DKK4: variants seen among roughly 807,000 people sequenced by gnomAD.
DKK4 encodes the protein dickkopf Wnt signaling pathway inhibitor 4, also known as dickkopf-related protein 4.
A neutral mutation model predicts 14.5 loss-of-function variants in DKK4; 15 were observed. The observed-to-expected ratio is 1.03, with a 90% confidence interval of 0.69 to 1.59. DKK4 has a LOEUF of 1.59. Ranked by LOEUF, DKK4 falls within the 40% of genes most tolerant of loss-of-function variation. DKK4 has a pLI of 0.00. For synonymous variants in DKK4, 89 were observed against 105.2 expected, an observed-to-expected ratio of 0.85 and a Z score of 0.94; for missense variants, 272 against 280.3, an observed-to-expected ratio of 0.97 and a Z score of 0.21.
rs747852585 is a variant in DKK4, at chr8:42,377,007, G to A, written c.39C>T (p.Cys13=). Residue 13 remains cysteine (C), a synonymous_variant, in exon 1 of 4, where the codon TGC becomes TGT. Coordinates refer to ENST00000220812, the MANE Select transcript of DKK4 (RefSeq NM_014420.3). ...AAVLLGLSWL[C]SPLGALVLDF... The stretch of plus-strand genomic sequence containing the variant: ...CCAGGACCAGAGCTCCCAGGGGAGA[G>A]CAGAGCCAGCTCAGCCCCAGCAGGA... The A allele has an allele frequency of 6.2e-7, 1 of 1,613,542 alleles. No homozygotes were observed.
rs1449321197 is a variant in DKK4 at position 42,375,674 on chromosome 8, G to A, written c.262+6C>T. On this transcript the variant is annotated splice_donor_region_variant and intron_variant, in intron 2 of 3. Coordinates refer to ENST00000220812, the MANE Select transcript of DKK4 (RefSeq NM_014420.3). ...TAAAAACCACTGTTGGCGTTATGTCGCTCACCGTTCACACAGAGTGTCCCA... is the reference window on the plus strand; with the variant it reads ...TAAAAACCACTGTTGGCGTTATGTCACTCACCGTTCACACAGAGTGTCCCA... 5.0e-6 allele frequency: 8 copies of A among 1,612,874 alleles called. No homozygotes were observed. Among genetic ancestry groups the A allele is most frequent in the South Asian group, 4.4e-5 (4 of 91,018 alleles).
intron 2 of DKK4, 44 bp from the exon 3 acceptor site, chr8:42,374,957 G>C: frequency 1.9e-6 from 3 of 1,603,852 alleles, no homozygotes; most frequent in Non-Finnish European, 2.6e-6. Context: ...ACTTCAAGGG[G>C]GAGAACCACA....
Position 42,377,132 on chromosome 8 carries a change from A to G in DKK4, c.-87T>C. 9.5e-7 allele frequency: 1 copy of G among 1,052,048 alleles called. No homozygotes were observed. Among genetic ancestry groups the G allele is most frequent in the Non-Finnish European group, 1.4e-6 (1 of 711,942 alleles). The allele number at this position is 1,052,048 out of a possible 1,614,324, so 65.2% of individuals were successfully genotyped here. Reference sequence around the variant, plus strand: ...TCCACCCAGAGCAGAGCTTCCACTAAGCTGGCAGCTCAGCACGTCGTCTGT... The same window carrying G: ...TCCACCCAGAGCAGAGCTTCCACTAGGCTGGCAGCTCAGCACGTCGTCTGT... On this transcript the variant is annotated 5_prime_UTR_variant, in exon 1 of 4. Transcript: ENST00000220812.
chr8:42,389,689 A>C, the DKK4 span, among the ~76,000 whole-genome samples: 1 of 152,208 alleles, frequency 6.6e-6, no homozygotes, highest in African/African-American at 2.4e-5. Flanking sequence ...CTCAGTGGAA[A>C]ATTTCAAGAA....
the DKK4 span, among the ~76,000 whole-genome samples, chr8:42,388,427 A>C: frequency 6.6e-6 from 1 of 151,650 alleles, no homozygotes; most frequent in Admixed American, 6.6e-5. Flanking sequence ...ACGGGGTTTC[A>C]CCATGTTGGC....
chr8:42,385,572 T>A, the DKK4 span, among the ~76,000 whole-genome samples: 1 of 151,896 alleles, frequency 6.6e-6, no homozygotes, highest in Non-Finnish European at 1.5e-5. Context: ...GGCCCCCCCA[T>A]ACCGCCACTG....
At position 42,374,246 on chromosome 8, in the gene DKK4, A is replaced by G. The variant is rs375323773; in HGVS notation, c.529T>C (p.Ser177Pro). 2.1e-5 allele frequency: 34 copies of G among 1,612,002 alleles called. No homozygotes were observed. Among genetic ancestry groups the G allele is most frequent in the Middle Eastern group, 1.7e-4 (1 of 6,034 alleles). The stretch of plus-strand genomic sequence containing the variant: ...GCAGTGTCTTTATGCCCTCTTCTGG[A>G]GCAGACCTGTCCCTCCAAAAGGACT... ...KPVLLEGQVC[S>P]RRGHKDTAQA... is the part of the protein sequence containing the mutation. The change falls in exon 4 of 4, where the codon TCC (serine) becomes CCC (proline). Residue 177 changes from serine (S) to proline (P), a missense_variant. By Grantham distance (74) the Ser-to-Pro change is moderately conservative. Transcript: ENST00000220812.
the DKK4 span, among the ~76,000 whole-genome samples, chr8:42,388,336 TCTC>T: frequency 6.6e-6 from 1 of 152,132 alleles, no homozygotes; most frequent in Middle Eastern, 3.4e-3. Context: ...TTCAAGCAAT[TCTC>T]CTGCCTCAGT....
the DKK4 span, among the ~76,000 whole-genome samples, chr8:42,382,370 C>T: frequency 6.6e-6 from 1 of 152,134 alleles, no homozygotes; most frequent in Non-Finnish European, 1.5e-5. Context: ...GCCAGGAGCC[C>T]GCATCTCCAT....
chr8:42,381,240 T>C (rs973137609), upstream of DKK4, among the ~76,000 whole-genome samples: 2 of 151,796 alleles, frequency 1.3e-5, no homozygotes, highest in Non-Finnish European at 2.9e-5. Flanking sequence ...CCTTCTCTGA[T>C]TTGGTGCACT....
intron 1 of DKK4, among the ~76,000 whole-genome samples, chr8:42,376,246 T>C (rs1177144024): frequency 2.0e-5 from 3 of 152,186 alleles, no homozygotes; most frequent in Non-Finnish European, 2.9e-5. Flanking sequence ...GAATCACATT[T>C]AGCTTAGAGA....
At chr8:42,391,104 GA>G in the DKK4 span, among the ~76,000 whole-genome samples, 1 of 152,024 alleles carries the variant, frequency 6.6e-6, no homozygotes, top group Non-Finnish European at 1.5e-5. Context: ...CTGCCCCTTT[GA>G]ATTATCATCT....
chr8:42,390,962 A>G, the DKK4 span, among the ~76,000 whole-genome samples: 1 of 152,150 alleles, frequency 6.6e-6, no homozygotes, highest in Non-Finnish European at 1.5e-5. Flanking sequence ...TCAACGGTCC[A>G]CTGATCATTT....
chr8:42,390,285 TTTG>T, the DKK4 span, among the ~76,000 whole-genome samples: 26 of 150,068 alleles, frequency 1.7e-4, no homozygotes, highest in Non-Finnish European at 1.5e-5. Flanking sequence ...AGTAGCTGGT[TTTG>T]TTTGTTTGGT....
chr8:42,378,489 T>C (rs1333856970), upstream of DKK4, among the ~76,000 whole-genome samples: 1 of 152,170 alleles, frequency 6.6e-6, no homozygotes, highest in Non-Finnish European at 1.5e-5. Context: ...GGAAGTTACT[T>C]GTTTTAATCC....
the DKK4 span, among the ~76,000 whole-genome samples, chr8:42,390,477 C>T: frequency 1.3e-5 from 2 of 149,928 alleles, no homozygotes; most frequent in Non-Finnish European, 3.0e-5. Context: ...CATTCTCCTG[C>T]CTCAGCCTCC....
In DKK4 at chr8:42,374,345, T is replaced by G. The variant is rs908795687; in HGVS notation, c.430A>C (p.Ser144Arg). 1.2e-6 allele frequency: 2 copies of G among 1,613,394 alleles called. No individual in the cohort carries two copies. Among genetic ancestry groups the G allele is most frequent in the South Asian group, 1.1e-5 (1 of 90,890 alleles). ...CCACAGTCAAAAGTTCTCAGACAACTTTCTCCCTCTTGTCCTGTAACAAGG... is the reference window on the plus strand; with the variant it reads ...CCACAGTCAAAAGTTCTCAGACAACGTTCTCCCTCTTGTCCTGTAACAAGG... ...SQGRKGQEGE[S>R]CLRTFDCGPG... Residue 144 changes from serine to arginine, a missense_variant, in exon 4 of 4, where the codon AGT (serine) becomes CGT (arginine). Transcript: ENST00000220812.
At chr8:42,375,924 G>A in intron 1 of DKK4, 94 bp from the exon 2 acceptor site, 1 of 1,480,728 alleles carries the variant, frequency 6.8e-7, no homozygotes. Context: ...GGAGCCAAAG[G>A]ACAGTGGCGC....
At chr8:42,380,941 G>A (rs1183599146), upstream of DKK4, among the ~76,000 whole-genome samples, 1 of 151,742 alleles carries the variant, frequency 6.6e-6, no homozygotes, top group Non-Finnish European at 1.5e-5. Context: ...AGGAAAGAAC[G>A]AACAAACGAA....
Sources: allele counts gnomAD v4.1 joint callset (sites outside exome capture counted in the v4.1 genomes callset), GRCh38; gene constraint gnomAD v4.1.1; transcripts MANE v1.5; gene names NCBI Gene and HGNC (gene_info 2026-07-23, HGNC 2026-07-21).